Variants in SPDYE1 observed in about 807,000 individuals in gnomAD.
The protein encoded by SPDYE1 is speedy protein E1.
SPDYE1 carries 29 observed loss-of-function variants against 45.9 expected under a neutral mutation model. That is an observed-to-expected ratio of 0.63 (90% CI 0.47 to 0.86). The LOEUF is 0.86. Ranked by LOEUF, SPDYE1 falls within the 40% of genes least tolerant of loss-of-function variation. The probability of loss-of-function intolerance (pLI) is 0.00; values close to 1 mark genes in which losing one functional copy is unlikely to be tolerated. For missense variants in SPDYE1, 346 were observed against 481.4 expected (o/e 0.72, Z 2.63); for synonymous variants, 134 against 176.8 (o/e 0.76, Z 1.92).
At chr7:44,005,464 G>A (rs1424785642) in intron 6 of SPDYE1, 1 of 582,764 alleles carries the variant, frequency 1.7e-6, no homozygotes, top group African/African-American at 1.9e-5. Context: ...GATCACCTGA[G>A]GTCAGCAGTT....
Position 44,006,323 on chromosome 7 carries a change from A to G in SPDYE1, c.753-945A>G, listed in dbSNP as rs1448675867. Reference sequence around the variant, plus strand: ...CCTTCCCTCATCTTCCAACTTCTGCATGCCCGTAGCTCTCTAGTTACATCC... The same window carrying G: ...CCTTCCCTCATCTTCCAACTTCTGCGTGCCCGTAGCTCTCTAGTTACATCC... On this transcript the variant is annotated intron_variant, in intron 6 of 8. Coordinates refer to ENST00000693451, the MANE Select transcript of SPDYE1 (RefSeq NM_001378423.2). 3.3e-5 allele frequency among the ~76,000 whole-genome samples: 5 copies of G among 151,538 alleles called. No homozygotes were observed. The East Asian group carries it at 9.7e-4, about 29-fold the overall frequency.
In SPDYE1 at chr7:43,999,796, C is replaced by T. The variant is rs1425287552; in HGVS notation, c.-154C>T. Among the ~76,000 whole-genome samples the T allele has an allele frequency of 1.8e-4, 26 of 145,806 alleles. No homozygotes were observed. The highest frequency in any genetic ancestry group is 1.4e-3 in the Admixed American group (20 of 14,266). On this transcript the variant is annotated 5_prime_UTR_variant, in exon 2 of 9. Coordinates refer to ENST00000693451, the MANE Select transcript of SPDYE1 (RefSeq NM_001378423.2). ...GCATGAACGATGACATCAGAGATTC[C>T]GACCTTCCTGATTGGAGGGACCGGA...
At position 43,997,927 on chromosome 7, in the gene SPDYE1, G is replaced by A. The variant is rs2096057704; in HGVS notation, c.-455G>A. Among the ~76,000 whole-genome samples the A allele has an allele frequency of 6.6e-6, 1 of 152,166 alleles. No homozygotes were observed. Among genetic ancestry groups the A allele is most frequent in the African/African-American group, 2.4e-5 (1 of 41,430 alleles). On this transcript the variant is annotated 5_prime_UTR_variant, in exon 1 of 9. Coordinates refer to ENST00000693451, the MANE Select transcript of SPDYE1 (RefSeq NM_001378423.2). ...CAGCAGAGACAGACCCCAGATCTGG[G>A]CCCAGGACTTTGTGCAGGGAGGGGA...
rs1241639318 is a variant in SPDYE1, at chr7:44,002,628, T to G, written c.418T>G (p.Cys140Gly). The G allele has an allele frequency of 6.3e-7, 1 of 1,597,096 alleles. No homozygotes were observed. The highest frequency in any genetic ancestry group is 8.5e-7 in the Non-Finnish European group (1 of 1,179,790). ...VDPSPPHRSF[C>G]WKRKMEWWDK... is the part of the protein sequence containing the mutation. ...TCCCAGCCCCCCGCATAGGTCCTTT[T>G]GCTGGAAAAGGAAGATGGAGTGGTG... is the stretch of plus-strand genomic sequence containing the variant. Residue 140 changes from cysteine to glycine, a missense_variant, in exon 4 of 9, where the codon TGC becomes GGC. Around this residue, in one of 4 missense-constraint regions of SPDYE1, gnomAD observed 141 missense variants for 176.7 expected, o/e 0.80. Coordinates refer to ENST00000693451, the MANE Select transcript of SPDYE1 (RefSeq NM_001378423.2).
At position 44,009,589 on chromosome 7, in the gene SPDYE1, TTTTA is replaced by T. The variant is rs1365350154; in HGVS notation, c.*977_*980del. On this transcript the variant is annotated 3_prime_UTR_variant, in exon 9 of 9. Coordinates refer to ENST00000693451, the MANE Select transcript of SPDYE1 (RefSeq NM_001378423.2). The stretch of plus-strand genomic sequence containing the variant: ...TGGGTATAGAATTATTTAAATATTA[TTTTA>T]TTTATTTAAATATTTATTAAATATA... 4.0e-5 allele frequency: 6 copies of T among 148,512 alleles called. No homozygotes were observed. The highest frequency in any genetic ancestry group is 6.7e-5 in the Admixed American group (1 of 14,830). 9.2% of individuals were successfully genotyped at this position (148,512 alleles called of 1,614,324 possible). A position where few individuals can be genotyped will look rare whatever the true frequency, so the allele number is the denominator to read the frequency against.
rs1483775766 is a variant in SPDYE1 at position 44,008,461 on chromosome 7, TTAAG to T, written c.*46-204_*46-201del. 9.2e-5 allele frequency among the ~76,000 whole-genome samples: 14 copies of T among 152,322 alleles called. No individual in the cohort carries two copies. The East Asian group carries it at 2.1e-3, about 23-fold the overall frequency. On this transcript the variant is annotated intron_variant, in intron 8 of 8. Coordinates refer to ENST00000693451, the MANE Select transcript of SPDYE1 (RefSeq NM_001378423.2). ...ATCACTGGGGCTGACCTTGGGTGTA[TTAAG>T]TGAGTTTTGGAGTCATGGTCACCAA...
intron 6 of SPDYE1, among the ~76,000 whole-genome samples, chr7:44,006,162 C>T (rs959155802): frequency 2.0e-5 from 3 of 152,150 alleles, no homozygotes; most frequent in African/African-American, 7.2e-5. Flanking sequence ...TTTCCTGGCT[C>T]GGCTTCACTG....
rs538171594 is a variant in SPDYE1, at chr7:44,000,908, C to T, written c.161-158C>T. On this transcript the variant is annotated intron_variant, in intron 2 of 8. Transcript: ENST00000693451. ...GAAGAATGGGGAGGGGAAGGAGCGG[C>T]ACATGGGGTTGAGCAGAGGAGAAAA... 7.5e-5 allele frequency: 114 copies of T among 1,517,932 alleles called. 2 individuals are homozygous for T. In the African/African-American group the frequency reaches 1.4e-3, roughly 19 times the overall value. 94.0% of individuals were successfully genotyped at this position (1,517,932 alleles called of 1,614,324 possible).
intron 1 of SPDYE1, among the ~76,000 whole-genome samples, chr7:43,999,112 G>A (rs910848217): frequency 2.0e-5 from 3 of 152,036 alleles, no homozygotes; most frequent in Admixed American, 6.6e-5. Context: ...TTTCTTAGCC[G>A]AACTGGAGGG....
rs762922434 is a variant in SPDYE1 at position 44,007,477 on chromosome 7, C to G, written c.962C>G (p.Pro321Arg). Reference sequence around the variant, plus strand: ...TTCCAGTTACGCCGTTGCATGAACCCGAGGGCCAGGAAGAACCGCTCTCAG... The same window carrying G: ...TTCCAGTTACGCCGTTGCATGAACCGGAGGGCCAGGAAGAACCGCTCTCAG... ...RRFQLRRCMN[P>R]RARKNRSQIV... Residue 321 changes from proline to arginine, a missense_variant, in exon 7 of 9, where the codon CCG becomes CGG. Transcript: ENST00000693451. The G allele has an allele frequency of 3.1e-6, 5 of 1,613,804 alleles. No homozygotes were observed. The South Asian group carries it at 4.4e-5, about 14-fold the overall frequency.
chr7:44,001,767 T>G (rs2096063465), intron 3 of SPDYE1, among the ~76,000 whole-genome samples: 2 of 152,046 alleles, frequency 1.3e-5, no homozygotes, highest in African/African-American at 4.8e-5. Flanking sequence ...CAGACCAATA[T>G]AGCGAAACGT....
intron 1 of SPDYE1, among the ~76,000 whole-genome samples, 160 bp from the exon 2 acceptor site, chr7:43,999,368 C>G (rs560307521): frequency 4.6e-4 from 70 of 152,076 alleles, no homozygotes; most frequent in African/African-American, 1.5e-3. Context: ...TCTGATGTGA[C>G]TTTTTCATCA....
intron 6 of SPDYE1, among the ~76,000 whole-genome samples, chr7:44,006,520 C>T (rs1000432489): frequency 2.6e-5 from 4 of 151,278 alleles, no homozygotes; most frequent in African/African-American, 9.7e-5. Flanking sequence ...CATAGCTCAC[C>T]GCAGCCTCCA....
At chr7:43,998,073 T>C (rs2096057860) in intron 1 of SPDYE1, among the ~76,000 whole-genome samples, 114 bp downstream of exon 1, 1 of 151,924 alleles carries the variant, frequency 6.6e-6, no homozygotes, top group African/African-American at 2.4e-5. Context: ...CTTCTAATAT[T>C]TGAAAGCCTG....
chr7:44,009,878 T>C lies in SPDYE1; in HGVS notation c.*1257T>C, dbSNP rs1346097580. 1 of 152,028 alleles carries C rather than the reference T, an allele frequency of 6.6e-6. No individual in the cohort carries two copies. The highest frequency in any genetic ancestry group is 6.6e-5 in the Admixed American group (1 of 15,258). The allele number at this position is 152,028 out of a possible 1,614,324, so 9.4% of individuals were successfully genotyped here. A position where few individuals can be genotyped will look rare whatever the true frequency, so the allele number is the denominator to read the frequency against. On this transcript the variant is annotated 3_prime_UTR_variant, in exon 9 of 9. Transcript: ENST00000693451. ...TTATCTATGATACTTAGTTAACATA[T>C]ATATTACATTTATAGCTATGTAGTA...
chr7:44,000,406 G>A (rs1292266585), intron 2 of SPDYE1, among the ~76,000 whole-genome samples: 3 of 147,914 alleles, frequency 2.0e-5, no homozygotes, highest in Non-Finnish European at 3.0e-5. Context: ...CTGAGATCAC[G>A]CTACTGCACT....
intron 2 of SPDYE1, 90 bp from the exon 3 acceptor site, chr7:44,000,976 G>A (rs1396819625): frequency 6.3e-7 from 1 of 1,596,866 alleles, no homozygotes; most frequent in South Asian, 1.1e-5. Context: ...GCGAGTCTGG[G>A]GAGGATGGAG....
At chr7:43,998,683 A>AT (rs1165119663) in intron 1 of SPDYE1, among the ~76,000 whole-genome samples, 3 of 92,352 alleles carry the variant, frequency 3.2e-5, no homozygotes, top group Admixed American at 1.1e-4. Flanking sequence ...TCAAAAAAAA[A>AT]TTTTTTGACA....
Position 43,999,629 on chromosome 7 carries a change from G to A in SPDYE1, c.-321G>A, listed in dbSNP as rs1438230984. ...CCTCTGCTGGGACAGGGAACAGAGG[G>A]ATGTGGAGTCCCTGAAGATGCTTTT... On this transcript the variant is annotated 5_prime_UTR_variant, in exon 2 of 9. Coordinates refer to ENST00000693451, the MANE Select transcript of SPDYE1 (RefSeq NM_001378423.2). Among the ~76,000 whole-genome samples, 1 of 149,698 alleles carries A rather than the reference G, an allele frequency of 6.7e-6. No individual in the cohort carries two copies. The highest frequency in any genetic ancestry group is 1.5e-5 in the Non-Finnish European group (1 of 67,328).
Sources: allele counts gnomAD v4.1 joint callset (sites outside exome capture counted in the v4.1 genomes callset), GRCh38; gene constraint gnomAD v4.1.1; regional missense constraint gnomAD v4.1.1; transcripts MANE v1.5; gene names NCBI Gene and HGNC (gene_info 2026-07-23, HGNC 2026-07-21).